The following EXOC6B variants were observed in gnomAD, a reference collection of about 807,000 sequenced individuals.
The protein encoded by EXOC6B is exocyst complex component 6B, also known as SEC15 homolog B.
A neutral mutation model predicts 113.5 loss-of-function variants in EXOC6B; 54 were observed. The observed-to-expected ratio is 0.48, with a 90% CI of 0.38 to 0.60. EXOC6B has a LOEUF of 0.60. Ranked by LOEUF, EXOC6B falls within the 20% of genes least tolerant of loss-of-function variation. The pLI, the probability that EXOC6B is intolerant of heterozygous loss-of-function variation, is 0.00. For missense variants in EXOC6B, 797 were observed against 977.5 expected (o/e 0.82, Z 2.46); for synonymous variants, 357 against 339.0 (o/e 1.05, Z -0.58).
intron 6 of EXOC6B, among the ~76,000 whole-genome samples, chr2:72,650,640 GAAAAA>G (rs1281934029): frequency 6.7e-6 from 1 of 150,318 alleles, no homozygotes; most frequent in African/African-American, 2.4e-5. Context: ...AAAGAGAAAA[GAAAAA>G]AGAAAAGAAA....
At chr2:72,208,808 C>A (rs1679988653) in intron 20 of EXOC6B, among the ~76,000 whole-genome samples, 1 of 152,198 alleles carries the variant, frequency 6.6e-6, no homozygotes, top group South Asian at 2.1e-4. Context: ...TAAGAAACTC[C>A]TTTTCTGTGG....
chr2:72,677,294 G>T (rs1046461338), intron 6 of EXOC6B, among the ~76,000 whole-genome samples: 108 of 152,096 alleles, frequency 7.1e-4, no homozygotes, highest in African/African-American at 2.6e-3. Context: ...ACTTCAGGAG[G>T]CCAAGGCAGG....
intron 1 of EXOC6B, among the ~76,000 whole-genome samples, chr2:72,804,407 T>C (rs544643313): frequency 6.6e-6 from 1 of 152,254 alleles, no homozygotes; most frequent in African/African-American, 2.4e-5. Flanking sequence ...AGTAAATCAT[T>C]ATTATAGTGA....
intron 7 of EXOC6B, 133 bp from the exon 8 acceptor site, chr2:72,559,654 A>C (rs1703773627): frequency 4.7e-6 from 3 of 637,550 alleles, no homozygotes; most frequent in Non-Finnish European, 7.9e-6. Flanking sequence ...ATACAAAACA[A>C]ACAAAAAAAT....
At chr2:72,616,531 T>C (rs1671396313) in intron 6 of EXOC6B, among the ~76,000 whole-genome samples, 1 of 152,178 alleles carries the variant, frequency 6.6e-6, no homozygotes, top group South Asian at 2.1e-4. Context: ...CATTCATTGC[T>C]GAAGGCAAGA....
At chr2:72,780,673 T>C (rs573526624) in intron 1 of EXOC6B, among the ~76,000 whole-genome samples, 31 of 152,208 alleles carry the variant, frequency 2.0e-4, no homozygotes, top group Non-Finnish European at 4.0e-4. Flanking sequence ...TGTTTTTCAT[T>C]TTAAAATACT....
intron 18 of EXOC6B, among the ~76,000 whole-genome samples, chr2:72,407,545 C>T (rs1693864486): frequency 6.6e-6 from 1 of 152,162 alleles, no homozygotes; most frequent in Admixed American, 6.5e-5. Flanking sequence ...CCCTGGGATG[C>T]AAGGCTGGTT....
chr2:72,692,117 T>C (rs555946956), intron 6 of EXOC6B, among the ~76,000 whole-genome samples: 100 of 152,268 alleles, frequency 6.6e-4, no homozygotes, highest in African/African-American at 2.2e-3. Flanking sequence ...CTTTCACACA[T>C]AGAATAAGTT....
chr2:72,200,193 G>A (rs940837182), intron 20 of EXOC6B, among the ~76,000 whole-genome samples: 11 of 152,024 alleles, frequency 7.2e-5, no homozygotes, highest in Non-Finnish European at 1.2e-4. Flanking sequence ...CACTGCACCC[G>A]GCTTGAGAGA....
chr2:72,352,936 G>A (rs867415009), intron 19 of EXOC6B, among the ~76,000 whole-genome samples: 2 of 152,006 alleles, frequency 1.3e-5, no homozygotes, highest in Non-Finnish European at 2.9e-5. Context: ...ACTGACGTCC[G>A]CCCTAACAAC....
At chr2:72,585,591 A>G (rs1705513399) in intron 6 of EXOC6B, among the ~76,000 whole-genome samples, 1 of 151,654 alleles carries the variant, frequency 6.6e-6, no homozygotes, top group South Asian at 2.1e-4. Flanking sequence ...AGTGCAAAAA[A>G]AAAAAAAGAA....
intron 5 of EXOC6B, among the ~76,000 whole-genome samples, chr2:72,725,928 G>A (rs1345994169): frequency 6.6e-6 from 1 of 152,136 alleles, no homozygotes; most frequent in Non-Finnish European, 1.5e-5. Context: ...GCTTGTAAAT[G>A]AACATTTGTA....
intron 18 of EXOC6B, among the ~76,000 whole-genome samples, chr2:72,439,716 G>T (rs1696082553): frequency 6.6e-6 from 1 of 152,124 alleles, no homozygotes; most frequent in African/African-American, 2.4e-5. Context: ...AATTCTACTT[G>T]TGTCATTTCA....
At chr2:72,464,929 T>C in intron 18 of EXOC6B, 1 of 556,354 alleles carries the variant, frequency 1.8e-6, no homozygotes, top group Non-Finnish European at 3.1e-6. Flanking sequence ...CATAGGAAGA[T>C]AAGCAGACAT....
At chr2:72,661,716 T>C (rs995571787) in intron 6 of EXOC6B, among the ~76,000 whole-genome samples, 9 of 151,994 alleles carry the variant, frequency 5.9e-5, no homozygotes, top group African/African-American at 2.2e-4. Flanking sequence ...AGAATTTATA[T>C]AGAGAAGCAA....
intron 11 of EXOC6B, among the ~76,000 whole-genome samples, chr2:72,501,901 T>C (rs144651957): frequency 7.9e-5 from 12 of 151,962 alleles, no homozygotes; most frequent in African/African-American, 2.9e-4. Context: ...GCTGGGGCTA[T>C]AGGCACAAGC....
chr2:72,237,180 G>A (rs906970400), intron 20 of EXOC6B, among the ~76,000 whole-genome samples: 16 of 152,128 alleles, frequency 1.1e-4, no homozygotes, highest in African/African-American at 2.7e-4. Flanking sequence ...AGTAACAGGC[G>A]TTATATGAGG....
intron 18 of EXOC6B, among the ~76,000 whole-genome samples, chr2:72,450,556 A>G (rs1354730054): frequency 6.6e-6 from 1 of 152,218 alleles, no homozygotes; most frequent in Non-Finnish European, 1.5e-5. Context: ...ACCCCTATGA[A>G]GATGTCATGG....
intron 19 of EXOC6B, among the ~76,000 whole-genome samples, chr2:72,352,839 AACAATTAAAATAAT>A (rs922570471): frequency 2.0e-5 from 3 of 151,998 alleles, no homozygotes; most frequent in Non-Finnish European, 4.4e-5. Context: ...GTCAACTTGC[AACAATTAAAATAAT>A]TTCTAAATAG....
Sources: allele counts gnomAD v4.1 joint callset (sites outside exome capture counted in the v4.1 genomes callset), GRCh38; gene constraint gnomAD v4.1.1; transcripts MANE v1.5; gene names NCBI Gene and HGNC (gene_info 2026-07-23, HGNC 2026-07-21).